Variants in CDKAL1 observed in about 807,000 individuals in gnomAD.
CDKAL1 encodes the protein CDKAL1 threonylcarbamoyladenosine tRNA methylthiotransferase.
CDKAL1 carries 32 observed loss-of-function variants against 68.2 expected under a neutral mutation model. That is an observed-to-expected ratio of 0.47 (90% CI 0.35 to 0.63). The LOEUF is 0.63. Ranked by LOEUF, CDKAL1 falls within the 30% of genes least tolerant of loss-of-function variation. The probability of loss-of-function intolerance (pLI) is 0.00; values close to 1 mark genes in which losing one functional copy is unlikely to be tolerated. For missense variants in CDKAL1, 606 were observed against 696.7 expected (o/e 0.87, Z 1.47); for synonymous variants, 234 against 244.3 (o/e 0.96, Z 0.39).
intron 11 of CDKAL1, among the ~76,000 whole-genome samples, chr6:21,023,410 G>A (rs556014183): frequency 5.9e-5 from 9 of 152,278 alleles, no homozygotes; most frequent in African/African-American, 2.2e-4. Context: ...CTGGCTCAGA[G>A]TCTCAGGAGA....
chr6:20,863,456 G>A (rs1206076395), intron 9 of CDKAL1, among the ~76,000 whole-genome samples: 1 of 139,340 alleles, frequency 7.2e-6, no homozygotes, highest in Non-Finnish European at 1.6e-5. Context: ...CACTATTAAT[G>A]TTCAATAAAT....
chr6:20,542,320 C>T (rs1470329202), intron 2 of CDKAL1, among the ~76,000 whole-genome samples: 1 of 152,224 alleles, frequency 6.6e-6, no homozygotes, highest in Non-Finnish European at 1.5e-5. Context: ...TCAATATACA[C>T]ATACTAAGTA....
intron 5 of CDKAL1, among the ~76,000 whole-genome samples, chr6:20,731,628 C>G (rs138580449): frequency 1.3e-5 from 2 of 152,192 alleles, no homozygotes; most frequent in East Asian, 3.9e-4. Flanking sequence ...GCCTGAGAAG[C>G]TAGGTAGTAT....
At chr6:21,031,189 C>T (rs1314666258) in intron 11 of CDKAL1, among the ~76,000 whole-genome samples, 1 of 151,144 alleles carries the variant, frequency 6.6e-6, no homozygotes, top group African/African-American at 2.5e-5. Flanking sequence ...ATTGAAGTTC[C>T]TATATTCCTG....
At chr6:21,215,862 C>A (rs554066508) in intron 15 of CDKAL1, among the ~76,000 whole-genome samples, 45 of 152,288 alleles carry the variant, frequency 3.0e-4, no homozygotes, top group African/African-American at 1.0e-3. Context: ...TGTTAGATTA[C>A]ATGACAGAGA....
intron 4 of CDKAL1, among the ~76,000 whole-genome samples, chr6:20,600,771 C>CATATATATATATATGT (rs1766051935): frequency 1.6e-5 from 2 of 124,174 alleles, no homozygotes; most frequent in African/African-American, 5.8e-5. Flanking sequence ...TATATGTATA[C>CATATATATATATATGT]ATATATATAT....
At chr6:20,932,144 G>T (rs1383177236) in intron 9 of CDKAL1, among the ~76,000 whole-genome samples, 4 of 152,014 alleles carry the variant, frequency 2.6e-5, no homozygotes, top group African/African-American at 9.7e-5. Context: ...TCAATAATTG[G>T]GATAAATGAA....
At chr6:21,111,189 G>A (rs1036780651) in intron 13 of CDKAL1, among the ~76,000 whole-genome samples, 2 of 152,012 alleles carry the variant, frequency 1.3e-5, no homozygotes, top group East Asian at 1.9e-4. Flanking sequence ...ATGTTGTGAC[G>A]GTTTGCCTCT....
chr6:21,047,094 G>A (rs1042183572), intron 11 of CDKAL1, among the ~76,000 whole-genome samples: 1 of 145,830 alleles, frequency 6.9e-6, no homozygotes, highest in African/African-American at 2.5e-5. Context: ...GATTTTTTGT[G>A]TTTTTTTTTT....
intron 9 of CDKAL1, among the ~76,000 whole-genome samples, chr6:20,859,918 C>A (rs1759524432): frequency 6.6e-6 from 1 of 152,104 alleles, no homozygotes; most frequent in South Asian, 2.1e-4. Flanking sequence ...GTGGTTTTTC[C>A]TGTGGTCTTT....
rs764129113 is a variant in CDKAL1, at chr6:20,598,188, G to A, written c.286+49483G>A. ...TGTAAAGCATTGGAGGGTTACAAGA[G>A]TTCCAGAAGTACTGTAAGAAACCTG... On this transcript the variant is annotated intron_variant, in intron 4 of 15. Transcript: ENST00000274695. Among the ~76,000 whole-genome samples, 49 of 152,190 alleles carry A rather than the reference G, an allele frequency of 3.2e-4. 1 individual carries two copies. Among genetic ancestry groups the A allele is most frequent in the Admixed American group, 1.0e-3 (16 of 15,286 alleles).
chr6:20,918,110 C>T (rs988520131), intron 9 of CDKAL1, among the ~76,000 whole-genome samples: 2 of 152,120 alleles, frequency 1.3e-5, no homozygotes, highest in Non-Finnish European at 2.9e-5. Context: ...GACTCTGTTT[C>T]GGGGGGAAAA....
At chr6:21,073,128 A>G (rs556629880) in intron 12 of CDKAL1, among the ~76,000 whole-genome samples, 1 of 152,270 alleles carries the variant, frequency 6.6e-6, no homozygotes, top group African/African-American at 2.4e-5. Flanking sequence ...TACATTTAAG[A>G]TTCCTTTGAA....
At chr6:21,143,277 C>G (rs1289285047) in intron 13 of CDKAL1, among the ~76,000 whole-genome samples, 3 of 152,140 alleles carry the variant, frequency 2.0e-5, no homozygotes, top group Non-Finnish European at 4.4e-5. Context: ...CACACAGTAA[C>G]AAATCTCTCA....
chr6:20,740,073 C>T (rs190884529), intron 6 of CDKAL1, among the ~76,000 whole-genome samples: 11 of 152,258 alleles, frequency 7.2e-5, no homozygotes, highest in Admixed American at 7.2e-4. Flanking sequence ...TCCGTGTAGT[C>T]CACCATAATT....
chr6:20,857,745 G>C (rs1759410184), intron 9 of CDKAL1, among the ~76,000 whole-genome samples: 1 of 152,100 alleles, frequency 6.6e-6, no homozygotes, highest in South Asian at 2.1e-4. Flanking sequence ...AAGAGGATTG[G>C]GGAAGAAATG....
intron 13 of CDKAL1, among the ~76,000 whole-genome samples, chr6:21,134,162 G>A (rs1775465342): frequency 6.6e-6 from 1 of 152,190 alleles, no homozygotes; most frequent in African/African-American, 2.4e-5. Flanking sequence ...GGGGCCAGCA[G>A]AGGCCAGATA....
intron 10 of CDKAL1, among the ~76,000 whole-genome samples, chr6:20,965,097 G>A (rs1765236093): frequency 6.6e-6 from 1 of 152,088 alleles, no homozygotes; most frequent in African/African-American, 2.4e-5. Context: ...GATTGCTTGA[G>A]GTCAGGAGTT....
intron 11 of CDKAL1, among the ~76,000 whole-genome samples, chr6:21,030,505 A>C (rs545245334): frequency 2.0e-5 from 3 of 152,278 alleles, no homozygotes; most frequent in African/African-American, 7.2e-5. Context: ...AAAAATTAAA[A>C]AGAGAGATGT....
Sources: gnomAD v4.1 joint callset for allele counts (sites outside exome capture counted in the v4.1 genomes callset) on GRCh38, gnomAD v4.1.1 for gene constraint, MANE v1.5 for transcripts, NCBI Gene and HGNC (gene_info 2026-07-23, HGNC 2026-07-21) for gene names.